Variants in FAM91A1 observed in about 807,000 individuals in gnomAD.
FAM91A1 encodes family with sequence similarity 91 member A1.
In FAM91A1, 41 loss-of-function variants were observed where a neutral mutation model predicts 113.5. That is an observed-to-expected ratio of 0.36 (90% CI 0.28 to 0.47). The LOEUF (loss-of-function observed/expected upper bound fraction) is 0.47. Among genes scored for constraint, FAM91A1 ranks in the 20% least tolerant of loss-of-function variants. FAM91A1 has a pLI of 1.00. For missense variants in FAM91A1, 696 were observed against 1,001.2 expected, an observed-to-expected ratio of 0.70 and a Z score of 4.11; for synonymous variants, 307 against 347.9, an observed-to-expected ratio of 0.88 and a Z score of 1.31.
chr8:123,794,002 C>T (rs1815446238), intron 15 of FAM91A1, among the ~76,000 whole-genome samples: 1 of 152,158 alleles, frequency 6.6e-6, no homozygotes, highest in African/African-American at 2.4e-5. Flanking sequence ...ATCTAGGGTA[C>T]ACATTTCCAA....
At chr8:123,769,544 C>T (rs1003764476) in intron 1 of FAM91A1, among the ~76,000 whole-genome samples, 2 of 152,224 alleles carry the variant, frequency 1.3e-5, no homozygotes, top group Non-Finnish European at 2.9e-5. Flanking sequence ...ACAAGAGTGA[C>T]ATGAGGTTTT....
At chr8:123,783,810 G>T (rs1407733372) in intron 8 of FAM91A1, among the ~76,000 whole-genome samples, 1 of 152,170 alleles carries the variant, frequency 6.6e-6, no homozygotes, top group African/African-American at 2.4e-5. Context: ...GAGTATGAAT[G>T]AACATTCAGG....
At chr8:123,802,293 AC>A (rs1162098734) in intron 18 of FAM91A1, among the ~76,000 whole-genome samples, 1 of 152,228 alleles carries the variant, frequency 6.6e-6, no homozygotes, top group African/African-American at 2.4e-5. Context: ...TTTAAGAACT[AC>A]TACAAATATA....
At chr8:123,773,395 T>G (rs1401624142) in intron 1 of FAM91A1, among the ~76,000 whole-genome samples, 2 of 152,202 alleles carry the variant, frequency 1.3e-5, no homozygotes, top group Non-Finnish European at 2.9e-5. Flanking sequence ...TAAATTAAGT[T>G]TATGGTCTCC....
intron 14 of FAM91A1, among the ~76,000 whole-genome samples, chr8:123,788,773 T>A (rs563602984): frequency 6.6e-6 from 1 of 152,310 alleles, no homozygotes; most frequent in East Asian, 1.9e-4. Flanking sequence ...AAATTGCAAG[T>A]TGACTTCTGC....
rs1470548516 is a variant in FAM91A1, at chr8:123,781,392, A to G, written c.703+850A>G. ...CAGTGTTGAATCTTGACAAGATATC[A>G]TGCTGTAGCGTGTCCAGACCTTTGG... On this transcript the variant is annotated intron_variant, in intron 8 of 23. Coordinates refer to ENST00000334705, the MANE Select transcript of FAM91A1 (RefSeq NM_144963.4). 3.3e-5 allele frequency among the ~76,000 whole-genome samples: 5 copies of G among 152,048 alleles called. No individual in the cohort carries two copies. In the South Asian group the frequency reaches 6.2e-4, roughly 19 times the overall value.
chr8:123,812,392 A>AG, intron 23 of FAM91A1, 127 bp from the exon 24 acceptor site: 2 of 501,308 alleles, frequency 4.0e-6, no homozygotes, highest in Non-Finnish European at 3.1e-6. Flanking sequence ...AGATCTTTGC[A>AG]TCTCCTGTAC....
At chr8:123,796,162 A>T (rs188919131) in intron 15 of FAM91A1, among the ~76,000 whole-genome samples, 9 of 151,962 alleles carry the variant, frequency 5.9e-5, no homozygotes, top group African/African-American at 1.9e-4. Flanking sequence ...TCAGCCTCTA[A>T]ATCAGGGGGT....
In FAM91A1 at chr8:123,789,596, A is replaced by G. The variant is rs145779186; in HGVS notation, c.1279-17A>G. On this transcript the variant is annotated splice_polypyrimidine_tract_variant and intron_variant, in intron 14 of 23. Transcript: ENST00000334705. ...AAGTGGTATTTTTGTTGCAAAATCT[A>G]TTTTCTCTTGGTTTAGGTTCAGAGC... The G allele has an allele frequency of 2.4e-4, 388 of 1,611,078 alleles. No individual in the cohort carries two copies. In the African/African-American group the frequency reaches 4.4e-3, roughly 18 times the overall value.
chr8:123,787,775 G>A (rs1227955475), intron 14 of FAM91A1, 25 bp downstream of exon 14: 3 of 1,563,220 alleles, frequency 1.9e-6, no homozygotes, highest in East Asian at 2.3e-5. Context: ...CATGTAAGGG[G>A]ATGTTAGGGC....
At chr8:123,806,012 T>A in intron 19 of FAM91A1, 68 bp from the exon 20 acceptor site, 1 of 1,380,128 alleles carries the variant, frequency 7.2e-7, no homozygotes, top group Non-Finnish European at 9.5e-7. Flanking sequence ...TTTAATAAAG[T>A]ATGTTTAAGC....
chr8:123,786,010 G>T (rs1200544402), intron 11 of FAM91A1: 6 of 432,378 alleles, frequency 1.4e-5, no homozygotes, highest in Non-Finnish European at 2.7e-5. Context: ...TTAGAGGTGG[G>T]GTTTCACCAT....
chr8:123,774,674 C>G (rs1814937533), intron 2 of FAM91A1, among the ~76,000 whole-genome samples: 1 of 151,842 alleles, frequency 6.6e-6, no homozygotes, highest in African/African-American at 2.4e-5. Context: ...CTGTTTGTTA[C>G]TCTTATTTTA....
At position 123,808,298 on chromosome 8, in the gene FAM91A1, G is replaced by A. The variant is rs1050300539; in HGVS notation, c.2059G>A (p.Asp687Asn). 1 of 1,612,992 alleles carries A rather than the reference G, an allele frequency of 6.2e-7. No homozygotes were observed. The highest frequency in any genetic ancestry group is 8.5e-7 in the Non-Finnish European group (1 of 1,179,562). Residue 687 changes from aspartate (D) to asparagine (N), a missense_variant, in exon 21 of 24, where the codon GAT (aspartate) becomes AAT (asparagine). Asp to Asn is a conservative substitution (Grantham distance 23). Coordinates refer to ENST00000334705, the MANE Select transcript of FAM91A1 (RefSeq NM_144963.4). Reference sequence around the variant, plus strand: ...AGAACCTGATTTGGCTTCTGGCTCAGATGTAAATGGGAGTACAGAGTCATT... The same window carrying A: ...AGAACCTGATTTGGCTTCTGGCTCAAATGTAAATGGGAGTACAGAGTCATT... ...RGEPDLASGS[D>N]VNGSTESFEM...
At chr8:123,774,575 ATTT>A in intron 2 of FAM91A1, among the ~76,000 whole-genome samples, 1 of 151,312 alleles carries the variant, frequency 6.6e-6, no homozygotes, top group South Asian at 2.1e-4. Context: ...TCATTCCATG[ATTT>A]TTTTTTCTTC....
intron 23 of FAM91A1, chr8:123,812,058 G>A (rs1815969522): frequency 6.6e-6 from 1 of 152,156 alleles, no homozygotes; most frequent in Admixed American, 6.6e-5. Context: ...ATTTTTAGTA[G>A]GAAGAGGTTT....
At chr8:123,770,969 G>C (rs1455138435) in intron 1 of FAM91A1, among the ~76,000 whole-genome samples, 4 of 152,168 alleles carry the variant, frequency 2.6e-5, no homozygotes, top group Non-Finnish European at 4.4e-5. Context: ...CTTCTCTCTG[G>C]TCTCTTGCTC....
At chr8:123,772,728 C>T (rs1295799784) in intron 1 of FAM91A1, among the ~76,000 whole-genome samples, 1 of 152,170 alleles carries the variant, frequency 6.6e-6, no homozygotes, top group Non-Finnish European at 1.5e-5. Context: ...CTGTTGACTT[C>T]CCCGGAAGTT....
At chr8:123,802,616 CAA>C (rs1366834829) in intron 18 of FAM91A1, among the ~76,000 whole-genome samples, 1 of 152,134 alleles carries the variant, frequency 6.6e-6, no homozygotes, top group Non-Finnish European at 1.5e-5. Context: ...AGAGGTTAGA[CAA>C]GAGTGATTAA....
Sources: allele counts gnomAD v4.1 joint callset (sites outside exome capture counted in the v4.1 genomes callset), GRCh38; gene constraint gnomAD v4.1.1; transcripts MANE v1.5; gene names NCBI Gene and HGNC (gene_info 2026-07-23, HGNC 2026-07-21).